CALCR: variants seen among roughly 807,000 people sequenced by gnomAD.
CALCR encodes the protein calcitonin receptor.
A neutral mutation model predicts 59.5 loss-of-function variants in CALCR; 47 were observed. That is an observed-to-expected ratio of 0.79 (90% confidence interval 0.63 to 1.01). The LOEUF (loss-of-function observed/expected upper bound fraction) is 1.01. CALCR is among the 50% of genes least tolerant of loss of function. The probability of loss-of-function intolerance (pLI) is 0.00; values close to 1 mark genes in which losing one functional copy is unlikely to be tolerated. For synonymous variants in CALCR, 213 were observed against 211.3 expected (o/e 1.01, Z -0.07); for missense variants, 566 against 597.1 (o/e 0.95, Z 0.54).
chr7:93,504,192 C>G (rs1801379357), intron 2 of CALCR, among the ~76,000 whole-genome samples: 1 of 152,076 alleles, frequency 6.6e-6, no homozygotes. Context: ...GAAAATTGCC[C>G]ACATTTCCCA....
intron 2 of CALCR, among the ~76,000 whole-genome samples, chr7:93,564,886 T>C (rs1789828154): frequency 6.6e-6 from 1 of 151,992 alleles, no homozygotes; most frequent in African/African-American, 2.4e-5. Context: ...TTTAGAGAGA[T>C]ATTGTGGAAA....
At chr7:93,564,067 A>G (rs1234525757) in intron 2 of CALCR, among the ~76,000 whole-genome samples, 3 of 152,202 alleles carry the variant, frequency 2.0e-5, no homozygotes, top group East Asian at 3.8e-4. Flanking sequence ...AGTTTTCTTG[A>G]AAGTTTTCAC....
At chr7:93,446,331 G>A (rs906143974) in intron 8 of CALCR, among the ~76,000 whole-genome samples, 5 of 152,014 alleles carry the variant, frequency 3.3e-5, no homozygotes, top group African/African-American at 1.2e-4. Flanking sequence ...CACAAAAATA[G>A]TTTAGCACTT....
At chr7:93,565,900 T>G (rs1170024345) in intron 2 of CALCR, among the ~76,000 whole-genome samples, 1 of 152,174 alleles carries the variant, frequency 6.6e-6, no homozygotes, top group Non-Finnish European at 1.5e-5. Context: ...AACAAATAAT[T>G]ATGCTGGAAG....
intron 2 of CALCR, among the ~76,000 whole-genome samples, chr7:93,526,918 G>A (rs182054317): frequency 8.2e-4 from 125 of 152,100 alleles, no homozygotes; most frequent in African/African-American, 2.9e-3. Flanking sequence ...TGAATACATG[G>A]CATTAAGTTA....
At chr7:93,565,205 C>A (rs1322284703) in intron 2 of CALCR, among the ~76,000 whole-genome samples, 1 of 152,168 alleles carries the variant, frequency 6.6e-6, no homozygotes, top group Non-Finnish European at 1.5e-5. Flanking sequence ...AGAACTATTA[C>A]CTCCTGGTTG....
intron 2 of CALCR, among the ~76,000 whole-genome samples, chr7:93,505,183 A>G (rs1390412933): frequency 2.6e-5 from 4 of 152,050 alleles, no homozygotes; most frequent in Non-Finnish European, 5.9e-5. Context: ...GCCTATAAAA[A>G]CTCAGTAGTC....
At chr7:93,524,255 C>T (rs1208943137) in intron 2 of CALCR, among the ~76,000 whole-genome samples, 4 of 151,004 alleles carry the variant, frequency 2.6e-5, no homozygotes, top group Admixed American at 1.3e-4. Flanking sequence ...CTGCAAGCTC[C>T]GCCTCCCTGG....
intron 2 of CALCR, among the ~76,000 whole-genome samples, chr7:93,505,696 A>G (rs972687591): frequency 2.0e-5 from 3 of 152,176 alleles, no homozygotes; most frequent in African/African-American, 4.8e-5. Context: ...TCTACAAAAT[A>G]GGATAAAAAG....
At position 93,426,608 on chromosome 7, in the gene CALCR, C is replaced by A. The variant is rs760621506; in HGVS notation, c.1192-19G>T. ...TTTGGACCTGGAAGAGAAAAAGGAG[C>A]CTTGTTTTTATATGATAGTCAGAAA... On this transcript the variant is annotated intron_variant, in intron 13 of 13. Transcript: ENST00000426151. 3.0e-6 allele frequency: 4 copies of A among 1,344,592 alleles called. No individual in the cohort carries two copies. In the African/African-American group the frequency reaches 4.4e-5, roughly 15 times the overall value. The allele number at this position is 1,344,592 out of a possible 1,614,324, so 83.3% of individuals were successfully genotyped here. A position where few individuals can be genotyped will look rare whatever the true frequency, so the allele number is the denominator to read the frequency against.
Position 93,554,769 on chromosome 7 carries a change from G to GTATATATATATATATATATATATA in CALCR, c.-27+19519_-27+19520insTATATATATATATATATATATATA, listed in dbSNP as rs55879216. On this transcript the variant is annotated intron_variant, in intron 2 of 13. Coordinates refer to ENST00000426151, the MANE Select transcript of CALCR (RefSeq NM_001742.4). ...ATAGATGTTCAAATTGCCAGGCCAT[G>GTATATATATATATATATATATATA]TATATATATATATATATATATATTA... 2.7e-3 allele frequency among the ~76,000 whole-genome samples: 320 copies of GTATATATATATATATATATATATA among 117,122 alleles called. 15 individuals are homozygous for GTATATATATATATATATATATATA. Among genetic ancestry groups the GTATATATATATATATATATATATA allele is most frequent in the African/African-American group, 0.01 (227 of 22,490 alleles). The allele number at this position is 117,122 out of a possible 152,430, so 76.8% of individuals were successfully genotyped here.
At chr7:93,550,636 C>CG in intron 2 of CALCR, among the ~76,000 whole-genome samples, 1 of 145,672 alleles carries the variant, frequency 6.9e-6, no homozygotes, top group Non-Finnish European at 1.5e-5. Flanking sequence ...CACACACACA[C>CG]ACACGAGAGA....
intron 8 of CALCR, among the ~76,000 whole-genome samples, chr7:93,455,412 C>CTCTTCT (rs910771987): frequency 6.6e-6 from 1 of 150,944 alleles, no homozygotes; most frequent in African/African-American, 2.4e-5. Context: ...TTTTCTTTGT[C>CTCTTCT]TCTTCTTCTT....
intron 13 of CALCR, among the ~76,000 whole-genome samples, chr7:93,428,291 T>C (rs4729090): frequency 0.062 from 9,487 of 152,294 alleles, 437 homozygotes; most frequent in Admixed American, 0.14. Context: ...CTTCACTTTA[T>C]GGATGGGGCA....
At chr7:93,493,927 T>G (rs1584582460) in intron 2 of CALCR, among the ~76,000 whole-genome samples, 1 of 151,408 alleles carries the variant, frequency 6.6e-6, no homozygotes, top group Admixed American at 6.6e-5. Context: ...TATACATACT[T>G]GTGAAACTGA....
intron 8 of CALCR, among the ~76,000 whole-genome samples, chr7:93,460,570 A>ATATATATAT (rs35957592): frequency 6.8e-5 from 5 of 73,164 alleles, no homozygotes; most frequent in African/African-American, 2.3e-4. Flanking sequence ...AAAAAAAAAA[A>ATATATATAT]AAATATATAT....
At chr7:93,544,761 C>T (rs1022465205) in intron 2 of CALCR, among the ~76,000 whole-genome samples, 2 of 152,142 alleles carry the variant, frequency 1.3e-5, no homozygotes, top group African/African-American at 4.8e-5. Flanking sequence ...ATGACCATTT[C>T]TTTATAAAGG....
chr7:93,436,285 A>G (rs1799776750), intron 11 of CALCR, 115 bp from the exon 12 acceptor site: 1 of 806,072 alleles, frequency 1.2e-6, no homozygotes, highest in South Asian at 1.7e-5. Flanking sequence ...TACATAGAAC[A>G]TGAGAGTCTA....
chr7:93,468,629 T>A, intron 7 of CALCR, 86 bp downstream of exon 7: 1 of 870,922 alleles, frequency 1.1e-6, no homozygotes, highest in Non-Finnish European at 1.8e-6. Flanking sequence ...TGAAGACCCT[T>A]CCCCACCTCC....
Sources: allele counts gnomAD v4.1 joint callset (sites outside exome capture counted in the v4.1 genomes callset), GRCh38; gene constraint gnomAD v4.1.1; transcripts MANE v1.5; gene names NCBI Gene and HGNC (gene_info 2026-07-23, HGNC 2026-07-21).